Variants in MBD5 observed in about 807,000 individuals in gnomAD.
MBD5 encodes the protein methyl-CpG binding domain protein 5, also known as methyl-CpG-binding domain protein 5.
A neutral mutation model predicts 117.3 loss-of-function variants in MBD5; 13 were observed. The observed-to-expected ratio is 0.11, with a 90% CI of 0.07 to 0.18. The LOEUF (loss-of-function observed/expected upper bound fraction) is 0.18, where lower values mean the gene tolerates loss of function less well. MBD5 is among the 10% of genes least tolerant of loss of function. The pLI is 1.00. For synonymous variants in MBD5, 727 were observed against 766.4 expected (o/e 0.95, Z 0.85); for missense variants, 1,879 against 2,093.8 (o/e 0.90, Z 2.00).
intron 4 of MBD5, among the ~76,000 whole-genome samples, chr2:148,383,091 G>A (rs897676771): frequency 6.6e-6 from 1 of 151,840 alleles, no homozygotes; most frequent in African/African-American, 2.4e-5. Context: ...CAGAAGGCAA[G>A]AAATAACTAA....
chr2:148,408,149 C>T (rs1705138502), intron 4 of MBD5, among the ~76,000 whole-genome samples: 1 of 152,162 alleles, frequency 6.6e-6, no homozygotes, highest in African/African-American at 2.4e-5. Flanking sequence ...AGAAAATCTT[C>T]AAATGGTACC....
At chr2:148,139,618 A>C (rs891891259) in intron 1 of MBD5, among the ~76,000 whole-genome samples, 2 of 152,194 alleles carry the variant, frequency 1.3e-5, no homozygotes, top group Non-Finnish European at 2.9e-5. Context: ...TGTAAAGAAA[A>C]TAGTCCATAG....
chr2:148,493,029 G>T (rs1681577559), intron 11 of MBD5, among the ~76,000 whole-genome samples: 2 of 152,148 alleles, frequency 1.3e-5, no homozygotes, highest in African/African-American at 4.8e-5. Context: ...TTCTAGAAAG[G>T]TAAGCATTGC....
chr2:148,460,103 A>G lies in MBD5; in HGVS notation c.113+1232A>G, dbSNP rs186055459. ...TAATATAGCAAGTTATCTGTGTTAT[A>G]TGTTTATACTTATGGTTGTTCTAGT... On this transcript the variant is annotated intron_variant, in intron 5 of 13. Coordinates refer to ENST00000642680, the MANE Select transcript of MBD5 (RefSeq NM_001378120.1). 2.0e-4 allele frequency: 31 copies of G among 152,294 alleles called. No homozygotes were observed. In the East Asian group the frequency reaches 5.6e-3, roughly 28 times the overall value. The allele number at this position is 152,294 out of a possible 1,614,324, so 9.4% of individuals were successfully genotyped here.
chr2:148,093,276 C>T (rs962137515), intron 1 of MBD5, among the ~76,000 whole-genome samples: 3 of 152,198 alleles, frequency 2.0e-5, no homozygotes, highest in African/African-American at 7.2e-5. Context: ...ACAAAGTAAT[C>T]TCATAGGAGG....
intron 1 of MBD5, among the ~76,000 whole-genome samples, chr2:148,066,701 C>A (rs141526173): frequency 3.4e-3 from 520 of 152,242 alleles, no homozygotes; most frequent in East Asian, 8.1e-3. Flanking sequence ...TGGTCTTGAA[C>A]TCCTGAGCTC....
chr2:148,156,893 A>G (rs1468136896), intron 1 of MBD5, among the ~76,000 whole-genome samples: 1 of 152,176 alleles, frequency 6.6e-6, no homozygotes, highest in Non-Finnish European at 1.5e-5. Flanking sequence ...TTTCATGAGA[A>G]CAGAAAGCTT....
At chr2:148,262,779 A>G (rs749219371) in intron 3 of MBD5, among the ~76,000 whole-genome samples, 3 of 152,242 alleles carry the variant, frequency 2.0e-5, no homozygotes, top group Admixed American at 6.5e-5. Context: ...AAAACTCAGC[A>G]GTCAGACTGG....
chr2:148,451,653 G>A (rs1164495305), intron 4 of MBD5, among the ~76,000 whole-genome samples: 1 of 152,106 alleles, frequency 6.6e-6, no homozygotes, highest in Non-Finnish European at 1.5e-5. Context: ...CTCCACAATA[G>A]TAATGCTATT....
At chr2:148,324,032 A>G (rs1190318561) in intron 3 of MBD5, among the ~76,000 whole-genome samples, 1 of 152,138 alleles carries the variant, frequency 6.6e-6, no homozygotes, top group Non-Finnish European at 1.5e-5. Context: ...AGGTGTAAGG[A>G]AGGGATCCAG....
intron 3 of MBD5, among the ~76,000 whole-genome samples, chr2:148,269,008 G>A (rs1574219367): frequency 6.6e-6 from 1 of 151,750 alleles, no homozygotes; most frequent in East Asian, 1.9e-4. Flanking sequence ...TGGTTTTCAG[G>A]TTTTATTTTG....
At chr2:148,313,518 C>T (rs1312918831) in intron 3 of MBD5, among the ~76,000 whole-genome samples, 2 of 152,194 alleles carry the variant, frequency 1.3e-5, no homozygotes, top group Non-Finnish European at 1.5e-5. Context: ...CCCAGGTTGA[C>T]TTCAGACTGC....
In MBD5 at chr2:148,074,507, G is replaced by GTTTTTTTTTTTTTTTTTTTTTTGT. The variant is rs11443189; in HGVS notation, c.-925+52834_-925+52835insTTTTTTTTTTTGTTTTTTTTTTTT. 2.6e-5 allele frequency among the ~76,000 whole-genome samples: 3 copies of GTTTTTTTTTTTTTTTTTTTTTTGT among 113,772 alleles called. 1 individual carries two copies. The highest frequency in any genetic ancestry group is 6.9e-5 in the African/African-American group (2 of 29,006). The allele number at this position is 113,772 out of a possible 152,430, so 74.6% of individuals were successfully genotyped here. On this transcript the variant is annotated intron_variant, in intron 1 of 13. Transcript: ENST00000642680. ...TTGTTTTTTTTTTGTTTTTTTTTTTGTTTTTTTTTTTGAGATGGAGTCTTG... is the reference window on the plus strand; with the variant it reads ...TTGTTTTTTTTTTGTTTTTTTTTTTGTTTTTTTTTTTTTTTTTTTTTTGTTTTTTTTTTTTGAGATGGAGTCTTG...
At chr2:148,202,622 G>A (rs909188224) in intron 2 of MBD5, among the ~76,000 whole-genome samples, 1 of 152,208 alleles carries the variant, frequency 6.6e-6, no homozygotes, top group African/African-American at 2.4e-5. Flanking sequence ...GAAACTATTA[G>A]TGAGTTTTGC....
intron 1 of MBD5, chr2:148,044,334 G>T (rs895504208): frequency 4.6e-5 from 7 of 152,172 alleles, no homozygotes; most frequent in Non-Finnish European, 1.0e-4. Context: ...TAATGAGTGA[G>T]TATGCCCATG....
At chr2:148,033,051 A>G (rs1694086765) in intron 1 of MBD5, among the ~76,000 whole-genome samples, 1 of 152,202 alleles carries the variant, frequency 6.6e-6, no homozygotes, top group Admixed American at 6.5e-5. Context: ...TGAGGGACAC[A>G]TTCAGCTGGA....
chr2:148,145,544 C>T (rs1697435326), intron 1 of MBD5, among the ~76,000 whole-genome samples: 1 of 152,150 alleles, frequency 6.6e-6, no homozygotes, highest in Admixed American at 6.5e-5. Context: ...AAAGGGAATG[C>T]TTCCAGTTTT....
At chr2:148,416,758 C>T (rs1256006841) in intron 4 of MBD5, among the ~76,000 whole-genome samples, 1 of 151,958 alleles carries the variant, frequency 6.6e-6, no homozygotes, top group Non-Finnish European at 1.5e-5. Context: ...AGTTTTTCAT[C>T]CCTCACACTC....
chr2:148,377,574 C>T (rs186716572), intron 4 of MBD5, among the ~76,000 whole-genome samples: 3 of 152,310 alleles, frequency 2.0e-5, no homozygotes, highest in East Asian at 1.9e-4. Context: ...ACTTTCTCTG[C>T]GTTTCTTACA....
Sources: allele counts gnomAD v4.1 joint callset (sites outside exome capture counted in the v4.1 genomes callset), GRCh38; gene constraint gnomAD v4.1.1; transcripts MANE v1.5; gene names NCBI Gene and HGNC (gene_info 2026-07-23, HGNC 2026-07-21).